FOXP2: variants seen among roughly 807,000 people sequenced by gnomAD.
FOXP2 encodes forkhead box protein P2.
FOXP2 carries 12 observed loss-of-function variants against 115.8 expected under a neutral mutation model. That is an observed-to-expected ratio of 0.10 (90% confidence interval 0.07 to 0.17). The LOEUF is 0.17. Among genes scored for constraint, FOXP2 ranks in the 10% least tolerant of loss-of-function variants. FOXP2 has a pLI of 1.00. For missense variants in FOXP2, 629 were observed against 843.5 expected (o/e 0.75, Z 3.15); for synonymous variants, 328 against 297.7 (o/e 1.10, Z -1.05).
At chr7:114,618,706 ATG>A (rs1381074196) in intron 3 of FOXP2, among the ~76,000 whole-genome samples, 10 of 152,154 alleles carry the variant, frequency 6.6e-5, no homozygotes, top group African/African-American at 2.4e-4. Flanking sequence ...CTTATTTTTG[ATG>A]TAAATCCCTC....
chr7:114,342,315 A>G (rs1791236487), intron 2 of FOXP2, among the ~76,000 whole-genome samples: 1 of 151,462 alleles, frequency 6.6e-6, no homozygotes, highest in African/African-American at 2.4e-5. Context: ...AGTATTACAC[A>G]TGATAGTATT....
intron 3 of FOXP2, among the ~76,000 whole-genome samples, chr7:114,575,440 G>T (rs768227022): frequency 3.1e-4 from 47 of 151,828 alleles, no homozygotes; most frequent in Non-Finnish European, 5.9e-4. Context: ...TTGTACCTTG[G>T]GTCACGGCCA....
At chr7:114,176,816 C>CT (rs1793328522) in intron 1 of FOXP2, among the ~76,000 whole-genome samples, 1 of 152,102 alleles carries the variant, frequency 6.6e-6, no homozygotes, top group Admixed American at 6.6e-5. Flanking sequence ...TGTTTGTACT[C>CT]TAAAAGTCCC....
chr7:114,557,490 TAAG>T (rs1408387354), intron 3 of FOXP2, among the ~76,000 whole-genome samples: 2 of 146,094 alleles, frequency 1.4e-5, no homozygotes, highest in East Asian at 2.0e-4. Flanking sequence ...TTAAATATAA[TAAG>T]AAGTATTTTT....
chr7:114,194,522 G>C (rs980496003), intron 1 of FOXP2, among the ~76,000 whole-genome samples: 1 of 151,856 alleles, frequency 6.6e-6, no homozygotes, highest in Non-Finnish European at 1.5e-5. Context: ...TACCCAAACT[G>C]AATTAAAGAG....
intron 1 of FOXP2, among the ~76,000 whole-genome samples, chr7:114,193,356 A>G (rs1793814713): frequency 6.6e-6 from 1 of 151,980 alleles, no homozygotes; most frequent in Admixed American, 6.6e-5. Flanking sequence ...AGTAGTGAAC[A>G]ACTCTTGGTT....
At chr7:114,110,699 C>T (rs1419257011) in intron 1 of FOXP2, among the ~76,000 whole-genome samples, 1 of 152,060 alleles carries the variant, frequency 6.6e-6, no homozygotes, top group Non-Finnish European at 1.5e-5. Flanking sequence ...ATTAGAGGTG[C>T]AAAGTACTTC....
chr7:114,284,440 A>G (rs1796415729), intron 1 of FOXP2, among the ~76,000 whole-genome samples: 1 of 152,062 alleles, frequency 6.6e-6, no homozygotes, highest in Admixed American at 6.6e-5. Context: ...TAGCCTCTCT[A>G]GTTCAGTTTC....
At chr7:114,102,162 C>T (rs567018927) in intron 1 of FOXP2, among the ~76,000 whole-genome samples, 48 of 152,044 alleles carry the variant, frequency 3.2e-4, no homozygotes, top group African/African-American at 1.1e-3. Flanking sequence ...CCATGTATGT[C>T]ACTTCTAAGG....
At chr7:114,641,918 G>A (rs1318724257) in intron 6 of FOXP2, among the ~76,000 whole-genome samples, 1 of 151,824 alleles carries the variant, frequency 6.6e-6, no homozygotes. Context: ...CAATTCTCCC[G>A]CCTCAACCTC....
intron 8 of FOXP2, among the ~76,000 whole-genome samples, chr7:114,651,380 G>A (rs10953765): frequency 0.46 from 69,185 of 151,802 alleles, 16,453 homozygotes; most frequent in South Asian, 0.56. Context: ...AAGACATTAT[G>A]TATTACAAAT....
intron 2 of FOXP2, among the ~76,000 whole-genome samples, chr7:114,522,046 G>A (rs1020695143): frequency 3.3e-5 from 5 of 152,116 alleles, no homozygotes; most frequent in South Asian, 2.1e-4. Flanking sequence ...GTGCATTCTT[G>A]GGGTTATAAA....
At chr7:114,309,766 C>G (rs549061499) in intron 2 of FOXP2, among the ~76,000 whole-genome samples, 2 of 151,678 alleles carry the variant, frequency 1.3e-5, no homozygotes, top group African/African-American at 2.4e-5. Flanking sequence ...CTTGGGCTCA[C>G]GTGATCCTCC....
intron 2 of FOXP2, among the ~76,000 whole-genome samples, chr7:114,529,906 A>C (rs978670973): frequency 3.9e-5 from 6 of 151,950 alleles, no homozygotes; most frequent in Admixed American, 2.6e-4. Context: ...GGATCTGAAT[A>C]TACTTTTTAT....
intron 1 of FOXP2, among the ~76,000 whole-genome samples, chr7:114,177,465 T>C (rs1295970059): frequency 6.6e-6 from 1 of 152,088 alleles, no homozygotes; most frequent in Non-Finnish European, 1.5e-5. Context: ...TAACATTCTA[T>C]AGTTTGAATA....
At chr7:114,681,213 G>A (rs530168832) in intron 16 of FOXP2, among the ~76,000 whole-genome samples, 3 of 152,206 alleles carry the variant, frequency 2.0e-5, no homozygotes, top group East Asian at 3.9e-4. Flanking sequence ...ATTGGCAATA[G>A]GAGATAATGT....
chr7:114,627,250 C>T (rs1336649346), intron 3 of FOXP2, among the ~76,000 whole-genome samples: 1 of 151,114 alleles, frequency 6.6e-6, no homozygotes, highest in African/African-American at 2.4e-5. Context: ...TTAAAAATAA[C>T]AATTAAAATA....
At chr7:114,309,428 G>A (rs551555967) in intron 2 of FOXP2, among the ~76,000 whole-genome samples, 2 of 152,166 alleles carry the variant, frequency 1.3e-5, no homozygotes, top group Non-Finnish European at 2.9e-5. Flanking sequence ...CTTCTGCATC[G>A]GAAACATAGA....
chr7:114,372,325 C>G (rs1310359341), intron 2 of FOXP2, among the ~76,000 whole-genome samples: 1 of 151,876 alleles, frequency 6.6e-6, no homozygotes, highest in African/African-American at 2.4e-5. Context: ...ATAATGGGAA[C>G]AGTTTTTTCA....
Sources: gnomAD v4.1 joint callset for allele counts (sites outside exome capture counted in the v4.1 genomes callset) on GRCh38, gnomAD v4.1.1 for gene constraint, MANE v1.5 for transcripts, NCBI Gene and HGNC (gene_info 2026-07-23, HGNC 2026-07-21) for gene names.